The following TMEM132B variants were observed in gnomAD, a reference collection of about 807,000 sequenced individuals.
TMEM132B encodes the protein transmembrane protein 132B.
Under a neutral mutation model 90.8 loss-of-function variants are expected in TMEM132B, and 18 were observed. The ratio of observed to expected loss-of-function variants is 0.20; its 90% confidence interval spans 0.14 to 0.29. The LOEUF (loss-of-function observed/expected upper bound fraction) is 0.29. TMEM132B is among the 10% of genes least tolerant of loss of function. The pLI, the probability that TMEM132B is intolerant of heterozygous loss-of-function variation, is 1.00. For synonymous variants in TMEM132B, 504 were observed against 523.3 expected, an observed-to-expected ratio of 0.96 and a Z score of 0.50; for missense variants, 1,096 against 1,326.8, an observed-to-expected ratio of 0.83 and a Z score of 2.70.
intron 5 of TMEM132B, among the ~76,000 whole-genome samples, chr12:125,640,690 G>A (rs892700951): frequency 7.7e-6 from 1 of 129,980 alleles, no homozygotes; most frequent in Non-Finnish European, 1.7e-5. Context: ...GCTCACACAC[G>A]CAAAATGCTG....
chr12:125,207,690 T>C (rs1873214331), intron 1 of TMEM132B, among the ~76,000 whole-genome samples: 1 of 152,222 alleles, frequency 6.6e-6, no homozygotes, highest in African/African-American at 2.4e-5. Flanking sequence ...CTGGAACTTT[T>C]TCATTTTGCA....
At chr12:125,539,668 A>C (rs181743352) in intron 4 of TMEM132B, among the ~76,000 whole-genome samples, 16 of 152,228 alleles carry the variant, frequency 1.1e-4, no homozygotes, top group African/African-American at 3.1e-4. Context: ...TTCCCCTATT[A>C]TGCTTTTGAT....
rs576220808 is a variant in TMEM132B, at chr12:125,206,201, T to C, written c.67+19335T>C. Among the ~76,000 whole-genome samples, 101 of 152,302 alleles carry C rather than the reference T, an allele frequency of 6.6e-4. 1 individual carries two copies. The highest frequency in any genetic ancestry group is 2.4e-3 in the African/African-American group (100 of 41,568). ...TCCTCAGAGGCACCAGATGCCCCTT[T>C]CCTGGTGCTGTGGCTTGGGGGCCTA... On this transcript the variant is annotated intron_variant, in intron 1 of 8. Coordinates refer to ENST00000682704, the MANE Select transcript of TMEM132B (RefSeq NM_001366854.1).
intron 2 of TMEM132B, among the ~76,000 whole-genome samples, 159 bp downstream of exon 2, chr12:125,350,502 G>A (rs900258776): frequency 3.9e-5 from 6 of 152,158 alleles, no homozygotes; most frequent in African/African-American, 1.4e-4. Context: ...CAGTAACTAC[G>A]GACAGTAGGT....
At chr12:125,313,091 G>A (rs566527205) in intron 1 of TMEM132B, among the ~76,000 whole-genome samples, 2 of 152,238 alleles carry the variant, frequency 1.3e-5, no homozygotes, top group South Asian at 2.1e-4. Flanking sequence ...GCTTGGCTGC[G>A]TACTGAATCT....
intron 1 of TMEM132B, among the ~76,000 whole-genome samples, chr12:125,254,484 G>C (rs945398749): frequency 1.3e-5 from 2 of 151,510 alleles, no homozygotes; most frequent in Admixed American, 1.3e-4. Context: ...CTTGTAAGTT[G>C]GTTAGTTTTC....
chr12:125,415,423 A>C lies in TMEM132B; in HGVS notation c.960-108A>C. On this transcript the variant is annotated intron_variant, in intron 2 of 8. Transcript: ENST00000682704. The surrounding 1 kb of genome is among the most constrained non-coding windows in gnomAD (Gnocchi z 5.3). ...CCACATCTCCCAGAGGAAGGGGGCGATGTTACAGATGCTTTCCCAGTGATC... is the reference window on the plus strand; with the variant it reads ...CCACATCTCCCAGAGGAAGGGGGCGCTGTTACAGATGCTTTCCCAGTGATC... 1.5e-6 allele frequency: 2 copies of C among 1,345,976 alleles called. No homozygotes were observed. The highest frequency in any genetic ancestry group is 2.0e-6 in the Non-Finnish European group (2 of 996,606). The allele number at this position is 1,345,976 out of a possible 1,614,324, so 83.4% of individuals were successfully genotyped here.
At chr12:125,478,351 G>A (rs1402594751) in intron 3 of TMEM132B, among the ~76,000 whole-genome samples, 1 of 152,162 alleles carries the variant, frequency 6.6e-6, no homozygotes, top group Non-Finnish European at 1.5e-5. Flanking sequence ...CCATCATAAG[G>A]AAGCTAAAAA....
intron 3 of TMEM132B, among the ~76,000 whole-genome samples, chr12:125,495,102 T>C (rs1307535419): frequency 1.2e-5 from 1 of 81,376 alleles, no homozygotes; most frequent in African/African-American, 5.0e-5. Flanking sequence ...AATGGCCGCA[T>C]CTCTCCTCCC....
chr12:125,217,363 T>G (rs906926708), intron 1 of TMEM132B, among the ~76,000 whole-genome samples: 2 of 152,184 alleles, frequency 1.3e-5, no homozygotes, highest in African/African-American at 4.8e-5. Context: ...ACCAGTACTT[T>G]TAGGTCATTC....
rs78404958 is a variant in TMEM132B at position 125,407,186 on chromosome 12, G to A, written c.960-8345G>A. On this transcript the variant is annotated intron_variant, in intron 2 of 8. Coordinates refer to ENST00000682704, the MANE Select transcript of TMEM132B (RefSeq NM_001366854.1). This position sits in a 1 kb window ranked among gnomAD's most constrained non-coding sequence, Gnocchi z 6.7. ...ATTGAAGCACAGATTATCTGGCATG[G>A]CCCAAGACCTCAGGTAAACAAAGAC... Among the ~76,000 whole-genome samples, 4,045 of 152,278 alleles carry A rather than the reference G, an allele frequency of 0.027. 180 individuals are homozygous for A. Among genetic ancestry groups the A allele is most frequent in the African/African-American group, 0.091 (3,799 of 41,548 alleles).
At chr12:125,536,968 C>CT (rs1185390293) in intron 4 of TMEM132B, among the ~76,000 whole-genome samples, 1 of 151,904 alleles carries the variant, frequency 6.6e-6, no homozygotes, top group Non-Finnish European at 1.5e-5. Flanking sequence ...TTTTTGAGAT[C>CT]TTTTTTTACT....
chr12:125,191,870 G>T (rs1453477101), intron 1 of TMEM132B, among the ~76,000 whole-genome samples: 2 of 152,090 alleles, frequency 1.3e-5, no homozygotes, highest in Admixed American at 1.3e-4. Context: ...CTGTAAAATG[G>T]GCCCCAAAAT....
chr12:125,441,601 T>G (rs747765256), intron 3 of TMEM132B, among the ~76,000 whole-genome samples: 11 of 152,258 alleles, frequency 7.2e-5, no homozygotes, highest in African/African-American at 9.6e-5. Context: ...GGCCCTTAGG[T>G]CCCTCCCACC....
chr12:125,290,441 C>T (rs1875506065), intron 1 of TMEM132B, among the ~76,000 whole-genome samples: 1 of 152,228 alleles, frequency 6.6e-6, no homozygotes, highest in Non-Finnish European at 1.5e-5. Flanking sequence ...CCTTCTCGCT[C>T]TCCCTAGAGA....
intron 4 of TMEM132B, among the ~76,000 whole-genome samples, chr12:125,533,211 G>T (rs1034751191): frequency 5.9e-5 from 9 of 152,214 alleles, no homozygotes; most frequent in African/African-American, 1.9e-4. Flanking sequence ...TTGTTATCAT[G>T]AGGATGAAGT....
chr12:125,484,081 G>A (rs1219041784), intron 3 of TMEM132B, among the ~76,000 whole-genome samples: 1 of 151,978 alleles, frequency 6.6e-6, no homozygotes, highest in Non-Finnish European at 1.5e-5. Flanking sequence ...TGTATTTTTT[G>A]TAGAGACAGG....
intron 1 of TMEM132B, among the ~76,000 whole-genome samples, chr12:125,330,018 GC>G (rs1876714317): frequency 6.6e-6 from 1 of 152,262 alleles, no homozygotes; most frequent in African/African-American, 2.4e-5. Context: ...GCAGCCTGTG[GC>G]CATTGTTCCG....
At chr12:125,494,049 C>A (rs1882437458) in intron 3 of TMEM132B, among the ~76,000 whole-genome samples, 2 of 146,798 alleles carry the variant, frequency 1.4e-5, no homozygotes, top group Non-Finnish European at 3.0e-5. Flanking sequence ...TCCCTCCTCC[C>A]CCTCCTCCCT....
Sources: allele counts gnomAD v4.1 joint callset (sites outside exome capture counted in the v4.1 genomes callset), GRCh38; gene constraint gnomAD v4.1.1; non-coding constraint Gnocchi (gnomAD v3.1); transcripts MANE v1.5; gene names NCBI Gene and HGNC (gene_info 2026-07-23, HGNC 2026-07-21).